COL27A1: variants seen among roughly 807,000 people sequenced by gnomAD.
COL27A1 encodes the protein collagen type XXVII alpha 1 chain, also known as collagen alpha-1(XXVII) chain.
A neutral mutation model predicts 251.3 loss-of-function variants in COL27A1; 106 were observed. The observed-to-expected ratio is 0.42, with a 90% CI of 0.36 to 0.50. The LOEUF (loss-of-function observed/expected upper bound fraction) is 0.50. Ranked by LOEUF, COL27A1 falls within the 20% of genes least tolerant of loss-of-function variation. The pLI, the probability that COL27A1 is intolerant of heterozygous loss-of-function variation, is 0.00. For synonymous variants in COL27A1, 1,000 were observed against 986.3 expected, an observed-to-expected ratio of 1.01 and a Z score of -0.26; for missense variants, 2,325 against 2,522.8, an observed-to-expected ratio of 0.92 and a Z score of 1.68.
At chr9:114,167,419 G>C (rs1020162987) in intron 2 of COL27A1, among the ~76,000 whole-genome samples, 1 of 152,200 alleles carries the variant, frequency 6.6e-6, no homozygotes, top group Non-Finnish European at 1.5e-5. Flanking sequence ...GGTAGGATTT[G>C]AACTCAGGAA....
Position 114,243,644 on chromosome 9 carries a change from T to C in COL27A1, c.2934+84T>C, listed in dbSNP as rs1832913479. ...GCCCCAAGTCAAGCCCCAAATCCCA[T>C]GGCCAGTTGTGAAAAGGGAGAAAAA... On this transcript the variant is annotated intron_variant, in intron 23 of 60. Coordinates refer to ENST00000356083, the MANE Select transcript of COL27A1 (RefSeq NM_032888.4). 5 of 1,158,028 alleles carry C rather than the reference T, an allele frequency of 4.3e-6. No homozygotes were observed. The South Asian group carries it at 5.7e-5, about 13-fold the overall frequency. The allele number at this position is 1,158,028 out of a possible 1,614,324, so 71.7% of individuals were successfully genotyped here. A position where few individuals can be genotyped will look rare whatever the true frequency, so the allele number is the denominator to read the frequency against.
Position 114,244,672 on chromosome 9 carries a change from C to T in COL27A1, c.2934+1112C>T, listed in dbSNP as rs558907534. Among the ~76,000 whole-genome samples, 5 of 152,272 alleles carry T rather than the reference C, an allele frequency of 3.3e-5. No individual in the cohort carries two copies. In the East Asian group the frequency reaches 9.7e-4, roughly 29 times the overall value. ...GTTTTCATGAGGTCCAGGGAGGAGCCGAAGGGGGAGGAGGCTCCACCCAGG... is the reference window on the plus strand; with the variant it reads ...GTTTTCATGAGGTCCAGGGAGGAGCTGAAGGGGGAGGAGGCTCCACCCAGG... On this transcript the variant is annotated intron_variant, in intron 23 of 60. Transcript: ENST00000356083.
intron 3 of COL27A1, among the ~76,000 whole-genome samples, chr9:114,176,543 G>A (rs535280494): frequency 6.6e-6 from 1 of 151,798 alleles, no homozygotes; most frequent in Non-Finnish European, 1.5e-5. Context: ...AGGTGGGTGG[G>A]GGGGGGTGCC....
At chr9:114,255,788 G>T (rs1833879160) in intron 27 of COL27A1, among the ~76,000 whole-genome samples, 1 of 152,192 alleles carries the variant, frequency 6.6e-6, no homozygotes, top group African/African-American at 2.4e-5. Context: ...CGACACTGGG[G>T]AAGCCGGCTA....
At chr9:114,160,684 GA>G (rs34482323) in intron 1 of COL27A1, among the ~76,000 whole-genome samples, 47,067 of 134,264 alleles carry the variant, frequency 0.35, 7,919 homozygotes, top group Middle Eastern at 0.48. Flanking sequence ...AAAAAAAAAT[GA>G]AAAAAAAAAA....
intron 4 of COL27A1, among the ~76,000 whole-genome samples, chr9:114,181,753 T>C (rs1291567842): frequency 6.6e-6 from 1 of 152,210 alleles, no homozygotes; most frequent in Admixed American, 6.5e-5. Flanking sequence ...GGAACTTGGA[T>C]ATGGCCTGGG....
At position 114,237,610 on chromosome 9, in the gene COL27A1, T is replaced by C. The variant is rs1350006022; in HGVS notation, c.2674-52T>C. On this transcript the variant is annotated intron_variant, in intron 18 of 60. Transcript: ENST00000356083. ...CCAGCGGGGGAACGCAGGGGGTTCA[T>C]GGAAGGTGGGGTCCTCACCCCTGCC... The C allele has an allele frequency of 3.4e-6, 5 of 1,477,060 alleles. No individual in the cohort carries two copies. In the African/African-American group the frequency reaches 4.2e-5, roughly 12 times the overall value. The allele number at this position is 1,477,060 out of a possible 1,614,324, so 91.5% of individuals were successfully genotyped here. A position where few individuals can be genotyped will look rare whatever the true frequency, so the allele number is the denominator to read the frequency against.
Position 114,270,738 on chromosome 9 carries a change from G to T in COL27A1, c.3566G>T (p.Gly1189Val). ...QGLIGQRGEP[G>V]LEGDSGPMGP... is the part of the protein sequence containing the mutation. ...CATCACCTTTTCCAGGGAGAGCCAG[G>T]CCTTGAGGGTGACAGTGGCCCCATG... The change falls in exon 36 of 61, where the codon GGC (glycine) becomes GTC (valine). Residue 1189 changes from glycine (G) to valine (V), a missense_variant. Physicochemically the swap from Gly to Val is moderately radical, Grantham distance 109. Transcript: ENST00000356083. 1.2e-6 allele frequency: 2 copies of T among 1,612,800 alleles called. No homozygotes were observed. The highest frequency in any genetic ancestry group is 1.7e-6 in the Non-Finnish European group (2 of 1,179,330).
chr9:114,288,405 C>T (rs1003136030), intron 41 of COL27A1, 50 bp from the exon 42 acceptor site: 2 of 1,580,298 alleles, frequency 1.3e-6, no homozygotes, highest in Non-Finnish European at 1.7e-6. Context: ...GAATTCCCCA[C>T]ATTCCCCAGG....
At chr9:114,232,831 G>T (rs1224656400) in intron 16 of COL27A1, among the ~76,000 whole-genome samples, 1 of 152,208 alleles carries the variant, frequency 6.6e-6, no homozygotes, top group Non-Finnish European at 1.5e-5. Flanking sequence ...CCAGCACTTT[G>T]GGAGGCCAAG....
At chr9:114,267,446 T>G in intron 33 of COL27A1, 58 bp from the exon 34 acceptor site, 1 of 1,492,870 alleles carries the variant, frequency 6.7e-7, no homozygotes, top group South Asian at 1.2e-5. Flanking sequence ...GTTACCCCCT[T>G]GCTTACAACC....
intron 5 of COL27A1, among the ~76,000 whole-genome samples, chr9:114,193,955 A>G (rs1828924775): frequency 6.6e-6 from 1 of 152,058 alleles, no homozygotes. Context: ...GAACTGAAGA[A>G]TGTTTGTGGT....
intron 7 of COL27A1, among the ~76,000 whole-genome samples, chr9:114,204,822 G>A (rs1824753962): frequency 6.6e-6 from 1 of 152,174 alleles, no homozygotes; most frequent in African/African-American, 2.4e-5. Context: ...GGTCACAGTT[G>A]CTCTGTCCCA....
chr9:114,192,120 T>G (rs1828790969), intron 5 of COL27A1, among the ~76,000 whole-genome samples: 1 of 152,194 alleles, frequency 6.6e-6, no homozygotes, highest in Admixed American at 6.5e-5. Context: ...GAGACATCCA[T>G]GAATAACTAA....
At chr9:114,162,612 G>A in intron 1 of COL27A1, 103 bp from the exon 2 acceptor site, 2 of 818,222 alleles carry the variant, frequency 2.4e-6, no homozygotes, top group Admixed American at 1.9e-5. Flanking sequence ...GGGCAGGACT[G>A]GGGTGAGACT....
intron 54 of COL27A1, 95 bp downstream of exon 54, chr9:114,301,557 G>A (rs1430512638): frequency 1.1e-5 from 17 of 1,541,284 alleles, no homozygotes; most frequent in African/African-American, 1.4e-5. Context: ...CCGGACCTCC[G>A]TCATCCCGTC....
intron 53 of COL27A1, 62 bp downstream of exon 53, chr9:114,301,381 C>A (rs1213912417): frequency 9.3e-6 from 15 of 1,612,448 alleles, no homozygotes; most frequent in Admixed American, 6.7e-5. Flanking sequence ...GGGTGGGCTC[C>A]CAGAGTTGGG....
chr9:114,301,226 A>T, intron 52 of COL27A1, 58 bp from the exon 53 acceptor site: 2 of 1,609,930 alleles, frequency 1.2e-6, no homozygotes, highest in South Asian at 2.2e-5. Flanking sequence ...CAGTTTCCTC[A>T]TCTGGAAATG....
intron 40 of COL27A1, 111 bp from the exon 41 acceptor site, chr9:114,284,613 G>T: frequency 4.7e-6 from 5 of 1,069,126 alleles, no homozygotes; most frequent in Non-Finnish European, 7.2e-6. Context: ...ACAGCCAGCT[G>T]GGGCAGAGCT....
Sources: gnomAD v4.1 joint callset for allele counts (sites outside exome capture counted in the v4.1 genomes callset) on GRCh38, gnomAD v4.1.1 for gene constraint, MANE v1.5 for transcripts, NCBI Gene and HGNC (gene_info 2026-07-23, HGNC 2026-07-21) for gene names.